Variants in FBRSL1 observed in about 807,000 individuals in gnomAD.
FBRSL1 encodes the protein fibrosin-1-like protein.
FBRSL1 carries 51 observed loss-of-function variants against 89.6 expected under a neutral mutation model. The observed-to-expected ratio is 0.57, with a 90% CI of 0.45 to 0.72. The LOEUF (loss-of-function observed/expected upper bound fraction) is 0.72. Ranked by LOEUF, FBRSL1 falls within the 30% of genes least tolerant of loss-of-function variation. FBRSL1 has a pLI of 0.00. For missense variants in FBRSL1, 1,618 were observed against 1,451.8 expected (o/e 1.11, Z -1.86); for synonymous variants, 779 against 681.1 (o/e 1.14, Z -2.24).
At chr12:132,510,244 G>T (rs1186882329) in intron 2 of FBRSL1, 1 of 1,231,716 alleles carries the variant, frequency 8.1e-7, no homozygotes, top group African/African-American at 1.6e-5. Context: ...TCACTCCTGG[G>T]GCAGCCGGGC....
chr12:132,550,474 G>A (rs929600736), intron 5 of FBRSL1, among the ~76,000 whole-genome samples: 4 of 152,154 alleles, frequency 2.6e-5, no homozygotes, highest in African/African-American at 9.7e-5. Flanking sequence ...TTCTGTTGGG[G>A]GGCAGCTCCC....
rs570998908 is a variant in FBRSL1, at chr12:132,548,773, G to C, written c.645+741G>C. ...TCCCTGTGACTGCCAAGGGCTACCC[G>C]GGGGCACCTGGACGGGGGTGAGGGC... On this transcript the variant is annotated intron_variant, in intron 5 of 18. Coordinates refer to ENST00000680143, the MANE Select transcript of FBRSL1 (RefSeq NM_001367871.1). Among the ~76,000 whole-genome samples the C allele has an allele frequency of 5.2e-4, 79 of 152,306 alleles. No individual in the cohort carries two copies. In the South Asian group the frequency reaches 0.01, roughly 20 times the overall value.
At position 132,490,731 on chromosome 12, in the gene FBRSL1, C is replaced by T. The variant is rs2030704811; in HGVS notation, c.161C>T (p.Pro54Leu). 2.0e-6 allele frequency: 2 copies of T among 990,512 alleles called. No homozygotes were observed. Among genetic ancestry groups the T allele is most frequent in the African/African-American group, 3.5e-5 (2 of 56,634 alleles). 61.4% of individuals were successfully genotyped at this position (990,512 alleles called of 1,614,324 possible). Residue 54 changes from proline to leucine, a missense_variant, in exon 1 of 19, where the codon CCC becomes CTC. Coordinates refer to ENST00000680143, the MANE Select transcript of FBRSL1 (RefSeq NM_001367871.1). ...KENAGLRGAPPRGAAPAPRTA... is the reference protein window; with the variant it reads ...KENAGLRGAPLRGAAPAPRTA... ...AACGCGGGCCTCCGCGGCGCGCCCC[C>T]CCGAGGCGCCGCCCCCGCGCCCCGC...
chr12:132,570,109 C>A lies in FBRSL1; in HGVS notation c.875C>A (p.Pro292His). The A allele has an allele frequency of 6.8e-7, 1 of 1,479,246 alleles. No individual in the cohort carries two copies. Among genetic ancestry groups the A allele is most frequent in the South Asian group, 1.3e-5 (1 of 78,156 alleles). 91.6% of individuals were successfully genotyped at this position (1,479,246 alleles called of 1,614,324 possible). Reference protein sequence around the residue: ...RANPLVKKEPPAPHRHTPQPP... With the variant: ...RANPLVKKEPHAPHRHTPQPP... ...AATCCCTTGGTGAAGAAGGAACCCCCCGCCCCGCACCGCCACACCCCGCAG... is the reference window on the plus strand; with the variant it reads ...AATCCCTTGGTGAAGAAGGAACCCCACGCCCCGCACCGCCACACCCCGCAG... Residue 292 changes from proline to histidine, a missense_variant, in exon 7 of 19, where the codon CCC becomes CAC. Pro to His is a moderately conservative substitution (Grantham distance 77). Transcript: ENST00000680143.
rs1185694806 is a variant in FBRSL1 at position 132,570,170 on chromosome 12, A to G, written c.936A>G (p.Thr312=). The G allele has an allele frequency of 1.3e-6, 2 of 1,502,664 alleles. No individual in the cohort carries two copies. The highest frequency in any genetic ancestry group is 1.8e-6 in the Non-Finnish European group (2 of 1,134,092). The allele number at this position is 1,502,664 out of a possible 1,614,324, so 93.1% of individuals were successfully genotyped here. ...PPPQPRGLLP[T]HVPASLGAFA... ...CGCAGCCCCGCGGCCTGCTCCCGAC[A>G]CACGTGCCTGCATCCCTGGGCGCCT... Residue 312 remains threonine, a synonymous_variant, in exon 7 of 19, where the codon ACA becomes ACG. Transcript: ENST00000680143.
chr12:132,575,751 C>T (rs1318364598), intron 14 of FBRSL1, among the ~76,000 whole-genome samples: 1 of 152,288 alleles, frequency 6.6e-6, no homozygotes, highest in African/African-American at 2.4e-5. Flanking sequence ...CTGCCCAGCC[C>T]TCACGCCTGC....
At position 132,584,564 on chromosome 12, in the gene FBRSL1, C is replaced by T. The variant is rs561546314; in HGVS notation, c.*786C>T. The T allele has an allele frequency of 1.3e-5, 2 of 152,290 alleles. No individual in the cohort carries two copies. The highest frequency in any genetic ancestry group is 2.1e-4 in the South Asian group (1 of 4,828). 9.4% of individuals were successfully genotyped at this position (152,290 alleles called of 1,614,324 possible). A position where few individuals can be genotyped will look rare whatever the true frequency, so the allele number is the denominator to read the frequency against. On this transcript the variant is annotated 3_prime_UTR_variant, in exon 19 of 19. Coordinates refer to ENST00000680143, the MANE Select transcript of FBRSL1 (RefSeq NM_001367871.1). ...CTTCAACTATGCAAGCGCTTCCCGG[C>T]GGCTCTGCTGGTTGGGGGAGGAAGG...
chr12:132,510,348 G>T, intron 2 of FBRSL1: 1 of 1,231,476 alleles, frequency 8.1e-7, no homozygotes, highest in Non-Finnish European at 1.0e-6. Flanking sequence ...CTCGCTCCTG[G>T]CCCTGGGCCA....
At chr12:132,553,700 CAGAAG>C (rs1331237658) in intron 5 of FBRSL1, 57 of 152,360 alleles carry the variant, frequency 3.7e-4, no homozygotes, top group African/African-American at 1.4e-3. Flanking sequence ...CTGGTCCCAG[CAGAAG>C]CGGGGCCTGG....
chr12:132,583,642 C>A lies in FBRSL1; in HGVS notation c.2873C>A (p.Pro958His), dbSNP rs1483034830. 3.9e-6 allele frequency: 4 copies of A among 1,013,498 alleles called. No homozygotes were observed. Among genetic ancestry groups the A allele is most frequent in the African/African-American group, 1.7e-5 (1 of 57,222 alleles). 62.8% of individuals were successfully genotyped at this position (1,013,498 alleles called of 1,614,324 possible). A position where few individuals can be genotyped will look rare whatever the true frequency, so the allele number is the denominator to read the frequency against. ...PAAAALGAPP[P>H]LVTAAGPPTP... ...GCCGCCGCCCTCGGCGCACCGCCCC[C>A]CCTGGTGACGGCGGCCGGGCCCCCC... The change falls in exon 19 of 19, where the codon CCC (proline) becomes CAC (histidine). Residue 958 changes from proline to histidine, a missense_variant. By Grantham distance (77) the Pro-to-His change is moderately conservative. Coordinates refer to ENST00000680143, the MANE Select transcript of FBRSL1 (RefSeq NM_001367871.1).
intron 1 of FBRSL1, among the ~76,000 whole-genome samples, chr12:132,500,323 T>C (rs2032764305): frequency 6.6e-6 from 1 of 152,182 alleles, no homozygotes; most frequent in African/African-American, 2.4e-5. Flanking sequence ...GCTGTCCCCA[T>C]GCTGCACATG....
intron 1 of FBRSL1, among the ~76,000 whole-genome samples, chr12:132,497,813 C>A (rs1232567364): frequency 6.6e-6 from 1 of 152,176 alleles, no homozygotes; most frequent in Non-Finnish European, 1.5e-5. Flanking sequence ...GCCATTTGTC[C>A]CTAAAGAAGG....
intron 4 of FBRSL1, among the ~76,000 whole-genome samples, chr12:132,539,690 C>G (rs1458064180): frequency 1.9e-4 from 23 of 123,948 alleles, no homozygotes; most frequent in African/African-American, 6.5e-4. Context: ...CCAGTCCTGC[C>G]TTCCAGCCCC....
intron 2 of FBRSL1, chr12:132,509,954 C>T: frequency 2.4e-6 from 3 of 1,231,152 alleles, no homozygotes; most frequent in South Asian, 4.1e-5. Context: ...CCCGAAGGTC[C>T]CTGCTGGGCC....
At chr12:132,491,686 C>A (rs1161416914) in intron 1 of FBRSL1, among the ~76,000 whole-genome samples, 2 of 152,254 alleles carry the variant, frequency 1.3e-5, no homozygotes, top group East Asian at 3.9e-4. Context: ...GGCCTGGGAT[C>A]CCCCAGTCTC....
intron 1 of FBRSL1, among the ~76,000 whole-genome samples, chr12:132,506,083 C>T (rs1401195477): frequency 6.6e-6 from 1 of 152,178 alleles, no homozygotes; most frequent in African/African-American, 2.4e-5. Context: ...AGAATGTTCA[C>T]TCAGCAGCAC....
intron 4 of FBRSL1, among the ~76,000 whole-genome samples, chr12:132,531,366 C>T (rs1018370744): frequency 1.7e-4 from 26 of 152,050 alleles, no homozygotes; most frequent in Middle Eastern, 3.4e-3. Flanking sequence ...TGTGTGTGGG[C>T]GTGTGTGTGC....
intron 2 of FBRSL1, among the ~76,000 whole-genome samples, chr12:132,512,225 G>A (rs1032112474): frequency 3.2e-4 from 48 of 152,252 alleles, no homozygotes; most frequent in Admixed American, 3.0e-3. Context: ...CCCCCCTCTC[G>A]GCTCATGCCT....
intron 4 of FBRSL1, among the ~76,000 whole-genome samples, chr12:132,532,302 G>A (rs1208792009): frequency 6.6e-6 from 1 of 152,144 alleles, no homozygotes; most frequent in Non-Finnish European, 1.5e-5. Context: ...GCCCAGAGAG[G>A]CCAACAGGGC....
Sources: allele counts gnomAD v4.1 joint callset (sites outside exome capture counted in the v4.1 genomes callset), GRCh38; gene constraint gnomAD v4.1.1; transcripts MANE v1.5; gene names NCBI Gene and HGNC (gene_info 2026-07-23, HGNC 2026-07-21).